NAALADL2: variants seen among roughly 807,000 people sequenced by gnomAD.
NAALADL2 encodes the protein inactive N-acetylated-alpha-linked acidic dipeptidase-like protein 2.
A neutral mutation model predicts 87.2 loss-of-function variants in NAALADL2; 76 were observed. The observed-to-expected ratio is 0.87, with a 90% confidence interval of 0.72 to 1.05. The LOEUF (loss-of-function observed/expected upper bound fraction) is 1.05. Ranked by LOEUF, NAALADL2 falls within the 50% of genes least tolerant of loss-of-function variation. The pLI, the probability that NAALADL2 is intolerant of heterozygous loss-of-function variation, is 0.00. For synonymous variants in NAALADL2, 354 were observed against 331.0 expected (o/e 1.07, Z -0.75); for missense variants, 1,089 against 945.8 (o/e 1.15, Z -1.99).
At chr3:175,417,971 G>T (rs1458131642) in intron 5 of NAALADL2, among the ~76,000 whole-genome samples, 1 of 152,066 alleles carries the variant, frequency 6.6e-6, no homozygotes, top group Non-Finnish European at 1.5e-5. Flanking sequence ...ATTGGGAATG[G>T]TGTGGAGTTA....
intron 1 of NAALADL2, among the ~76,000 whole-genome samples, chr3:175,009,628 AC>A (rs1297900764): frequency 6.6e-6 from 1 of 152,136 alleles, no homozygotes; most frequent in Non-Finnish European, 1.5e-5. Context: ...ACTCTTATTT[AC>A]CTCTAGACTG....
chr3:174,953,605 T>G (rs1347559291), intron 1 of NAALADL2, among the ~76,000 whole-genome samples: 1 of 151,854 alleles, frequency 6.6e-6, no homozygotes, highest in Non-Finnish European at 1.5e-5. Context: ...AGTGGGAGGA[T>G]GCAGCCATGA....
intron 2 of NAALADL2, among the ~76,000 whole-genome samples, chr3:174,628,620 G>C (rs1363901579): frequency 6.6e-6 from 1 of 151,986 alleles, no homozygotes; most frequent in Non-Finnish European, 1.5e-5. Context: ...GTTTATCAAG[G>C]TATTCCCATA....
intron 3 of NAALADL2, among the ~76,000 whole-genome samples, chr3:175,238,371 A>AT (rs1354060721): frequency 2.0e-5 from 3 of 152,166 alleles, no homozygotes; most frequent in African/African-American, 7.2e-5. Flanking sequence ...TGTTTGAAAT[A>AT]TTAGGGCTAA....
At position 174,608,371 on chromosome 3, in the gene NAALADL2, T is replaced by C. The variant is rs1263565668; in HGVS notation, c.-115+57734T>C. Among the ~76,000 whole-genome samples, 6 of 151,736 alleles carry C rather than the reference T, an allele frequency of 4.0e-5. No individual in the cohort carries two copies. In the East Asian group the frequency reaches 9.7e-4, roughly 25 times the overall value. On this transcript the variant is annotated intron_variant, in intron 2 of 3. Coordinates refer to the NAALADL2 transcript ENST00000434257. The stretch of plus-strand genomic sequence containing the variant: ...AAAAACCCTTCAAAAAATTAATGAA[T>C]CCAGGAGCTGGTTTTTTGAAAGGAT...
chr3:175,696,163 T>G (rs2149937452), intron 11 of NAALADL2, among the ~76,000 whole-genome samples: 1 of 152,288 alleles, frequency 6.6e-6, no homozygotes, highest in Admixed American at 6.5e-5. Context: ...AAAAAATTTC[T>G]TATTCAAAAA....
chr3:175,108,820 A>G (rs561283534), intron 2 of NAALADL2, among the ~76,000 whole-genome samples: 1 of 152,064 alleles, frequency 6.6e-6, no homozygotes, highest in Admixed American at 6.6e-5. Flanking sequence ...GCAAAGATAG[A>G]CAAATATTTA....
intron 11 of NAALADL2, among the ~76,000 whole-genome samples, chr3:175,711,351 T>A (rs148796077): frequency 1.1e-3 from 164 of 152,026 alleles, no homozygotes; most frequent in African/African-American, 3.8e-3. Flanking sequence ...TTTATCAGAA[T>A]CGTACTTTGA....
rs151148596 is a variant in NAALADL2, at chr3:174,747,214, A to G, written c.-9+9468A>G. ...GCCTAATATCCAGAATCTACAAGGA[A>G]CTTAAACAAATTTACAAGAAAAGGC... On this transcript the variant is annotated intron_variant, in intron 3 of 3. Coordinates refer to the NAALADL2 transcript ENST00000434257. Among the ~76,000 whole-genome samples, 1,283 of 152,284 alleles carry G rather than the reference A, an allele frequency of 8.4e-3. 26 individuals carry two copies. Among genetic ancestry groups the G allele is most frequent in the African/African-American group, 0.03 (1,240 of 41,560 alleles).
In NAALADL2 at chr3:174,873,007, A is replaced by G. The variant is rs117563828; in HGVS notation, c.43+13557A>G. On this transcript the variant is annotated intron_variant, in intron 1 of 13. Coordinates refer to ENST00000454872, the MANE Select transcript of NAALADL2 (RefSeq NM_207015.3). ...CTCCTCACAGTGAGAACTAATGAATATAATTTTCACCCATTTCTTCTCCAC... is the reference window on the plus strand; with the variant it reads ...CTCCTCACAGTGAGAACTAATGAATGTAATTTTCACCCATTTCTTCTCCAC... Among the ~76,000 whole-genome samples, 24 of 152,290 alleles carry G rather than the reference A, an allele frequency of 1.6e-4. No individual in the cohort carries two copies. The East Asian group carries it at 3.5e-3, about 22-fold the overall frequency.
intron 2 of NAALADL2, among the ~76,000 whole-genome samples, chr3:174,553,539 G>A (rs1712401899): frequency 6.6e-6 from 1 of 152,114 alleles, no homozygotes; most frequent in African/African-American, 2.4e-5. Context: ...AAATGCATGT[G>A]CGTTCATTAA....
intron 2 of NAALADL2, among the ~76,000 whole-genome samples, chr3:175,215,685 G>A (rs959344997): frequency 6.6e-6 from 1 of 152,142 alleles, no homozygotes; most frequent in African/African-American, 2.4e-5. Context: ...CCTGGAGGGG[G>A]TACAGTTGTC....
chr3:174,781,559 C>T (rs370136708), intron 3 of NAALADL2, among the ~76,000 whole-genome samples: 16 of 151,722 alleles, frequency 1.1e-4, no homozygotes, highest in African/African-American at 3.1e-4. Context: ...AAATAAGTTC[C>T]GTAGGAATTA....
chr3:174,541,498 C>T (rs1179891434), intron 1 of NAALADL2, among the ~76,000 whole-genome samples: 1 of 152,124 alleles, frequency 6.6e-6, no homozygotes, highest in Non-Finnish European at 1.5e-5. Flanking sequence ...TTATAAGTAA[C>T]ACATATTGAA....
intron 5 of NAALADL2, chr3:175,369,609 T>C (rs1766189925): frequency 6.6e-6 from 1 of 152,290 alleles, no homozygotes; most frequent in South Asian, 2.1e-4. Context: ...CAGGTGTATA[T>C]ATAGGTAGCC....
intron 2 of NAALADL2, among the ~76,000 whole-genome samples, chr3:174,703,685 A>G (rs1248404486): frequency 2.0e-5 from 3 of 152,170 alleles, no homozygotes; most frequent in Non-Finnish European, 4.4e-5. Context: ...TAGCTACACC[A>G]GATTATCATG....
intron 1 of NAALADL2, among the ~76,000 whole-genome samples, chr3:175,053,607 C>T (rs1019827677): frequency 2.0e-5 from 3 of 152,214 alleles, no homozygotes; most frequent in Admixed American, 6.5e-5. Flanking sequence ...AGCATAACCT[C>T]TGCCCCAAGT....
intron 1 of NAALADL2, among the ~76,000 whole-genome samples, chr3:174,930,485 C>T (rs1736697026): frequency 1.3e-5 from 2 of 151,416 alleles, no homozygotes; most frequent in Admixed American, 6.6e-5. Flanking sequence ...TTAAAGATAG[C>T]CTTAAACAAA....
At chr3:174,945,328 G>A (rs77128072) in intron 1 of NAALADL2, among the ~76,000 whole-genome samples, 6,268 of 152,182 alleles carry the variant, frequency 0.041, 435 homozygotes, top group African/African-American at 0.14. Flanking sequence ...TTTTGCACTA[G>A]GGATGATAAC....
Sources: gnomAD v4.1 joint callset for allele counts (sites outside exome capture counted in the v4.1 genomes callset) on GRCh38, gnomAD v4.1.1 for gene constraint, MANE v1.5 for transcripts, NCBI Gene and HGNC (gene_info 2026-07-23, HGNC 2026-07-21) for gene names.